The following SGCZ variants were observed in gnomAD, a reference collection of about 807,000 sequenced individuals.
The protein encoded by SGCZ is zeta-sarcoglycan.
Under a neutral mutation model 41.3 loss-of-function variants are expected in SGCZ, and 40 were observed. The observed-to-expected ratio is 0.97, with a 90% CI of 0.75 to 1.26. The LOEUF is 1.26. Among genes scored for constraint, SGCZ ranks in the 50% most tolerant of loss-of-function variants. The pLI is 0.00. For missense variants in SGCZ, 552 were observed against 369.8 expected (o/e 1.49, Z -4.04); for synonymous variants, 206 against 137.5 (o/e 1.50, Z -3.49).
At chr8:14,410,963 A>C (rs1344865568) in intron 2 of SGCZ, among the ~76,000 whole-genome samples, 1 of 152,156 alleles carries the variant, frequency 6.6e-6, no homozygotes, top group Non-Finnish European at 1.5e-5. Flanking sequence ...TTTTCTTTTA[A>C]AAAAATTTCA....
chr8:15,098,855 T>C (rs1052767176), intron 1 of SGCZ, among the ~76,000 whole-genome samples: 1 of 152,270 alleles, frequency 6.6e-6, no homozygotes, highest in South Asian at 2.1e-4. Context: ...GGTCAGGAGT[T>C]CAAGACCAGC....
At chr8:14,526,874 A>G (rs1341196584) in intron 2 of SGCZ, among the ~76,000 whole-genome samples, 1 of 152,142 alleles carries the variant, frequency 6.6e-6, no homozygotes, top group Non-Finnish European at 1.5e-5. Context: ...ATGTGATCAA[A>G]TTTAGTTTAA....
intron 4 of SGCZ, among the ~76,000 whole-genome samples, chr8:14,236,420 C>G (rs1382142): frequency 2.0e-5 from 3 of 151,808 alleles, no homozygotes; most frequent in African/African-American, 2.4e-5. Context: ...GCTAAAATGT[C>G]TCCTTTTTGG....
At chr8:14,505,402 T>C (rs1248673908) in intron 2 of SGCZ, among the ~76,000 whole-genome samples, 3 of 152,164 alleles carry the variant, frequency 2.0e-5, no homozygotes, top group Non-Finnish European at 4.4e-5. Context: ...TTCTCTGAAG[T>C]TATTCTAGCA....
chr8:15,117,481 G>A (rs1357639125), intron 1 of SGCZ, among the ~76,000 whole-genome samples: 3 of 152,226 alleles, frequency 2.0e-5, no homozygotes, highest in African/African-American at 7.2e-5. Context: ...GCATGATGGG[G>A]AAGTTGAGAA....
intron 4 of SGCZ, among the ~76,000 whole-genome samples, chr8:14,208,787 C>A (rs566337887): frequency 6.6e-6 from 1 of 152,146 alleles, no homozygotes; most frequent in Non-Finnish European, 1.5e-5. Context: ...ATATTCACAA[C>A]ATGTATTATG....
chr8:15,129,707 C>CAAAAAAAAAAAA (rs59401421), intron 1 of SGCZ, among the ~76,000 whole-genome samples: 3 of 107,886 alleles, frequency 2.8e-5, no homozygotes, highest in Non-Finnish European at 5.5e-5. Context: ...GAAGCATTTG[C>CAAAAAAAAAAAA]AAAAAAAAAA....
intron 1 of SGCZ, among the ~76,000 whole-genome samples, chr8:14,848,343 T>G (rs562937512): frequency 6.6e-6 from 1 of 152,166 alleles, no homozygotes; most frequent in Non-Finnish European, 1.5e-5. Context: ...TCTGTGGAAA[T>G]TGACAAAATC....
At chr8:14,174,189 A>T (rs1175457813) in intron 4 of SGCZ, among the ~76,000 whole-genome samples, 1 of 152,174 alleles carries the variant, frequency 6.6e-6, no homozygotes, top group East Asian at 1.9e-4. Flanking sequence ...CTTTAAAAAG[A>T]ACAAAATTGA....
intron 1 of SGCZ, among the ~76,000 whole-genome samples, chr8:14,864,176 T>A (rs922519828): frequency 6.6e-6 from 1 of 152,162 alleles, no homozygotes; most frequent in Non-Finnish European, 1.5e-5. Context: ...CACCATGTAT[T>A]CTACGTATTC....
chr8:15,039,597 T>G (rs994058751), intron 1 of SGCZ, among the ~76,000 whole-genome samples: 1 of 152,196 alleles, frequency 6.6e-6, no homozygotes, highest in Non-Finnish European at 1.5e-5. Context: ...CAGTCAATAT[T>G]TGTAACTTTG....
chr8:14,267,672 G>A (rs568742631), intron 3 of SGCZ, among the ~76,000 whole-genome samples: 1 of 152,126 alleles, frequency 6.6e-6, no homozygotes, highest in African/African-American at 2.4e-5. Flanking sequence ...GAGCAGCAGT[G>A]GGATTGTGAA....
At chr8:14,869,097 C>T (rs1804046528) in intron 1 of SGCZ, among the ~76,000 whole-genome samples, 1 of 152,138 alleles carries the variant, frequency 6.6e-6, no homozygotes, top group South Asian at 2.1e-4. Context: ...ATGAGGCCAG[C>T]ATCATTCTGA....
chr8:14,773,168 C>T (rs540748100), intron 1 of SGCZ, among the ~76,000 whole-genome samples: 1 of 152,288 alleles, frequency 6.6e-6, no homozygotes, highest in South Asian at 2.1e-4. Flanking sequence ...TTGCATTTCT[C>T]TGATGGCCAG....
chr8:14,920,651 T>C (rs941297564), intron 1 of SGCZ, among the ~76,000 whole-genome samples: 1 of 152,084 alleles, frequency 6.6e-6, no homozygotes, highest in Admixed American at 6.5e-5. Flanking sequence ...CCATATAAAC[T>C]AAATAAGGAA....
chr8:14,678,675 G>A (rs1195398998), intron 1 of SGCZ, among the ~76,000 whole-genome samples: 1 of 152,232 alleles, frequency 6.6e-6, no homozygotes, highest in East Asian at 1.9e-4. Flanking sequence ...TCCAGCAATC[G>A]TGCTCCACGG....
chr8:14,286,242 AT>A (rs1205140462), intron 3 of SGCZ, among the ~76,000 whole-genome samples: 1 of 152,070 alleles, frequency 6.6e-6, no homozygotes. Context: ...TCTATAGCAT[AT>A]TTTTCTAATC....
intron 5 of SGCZ, among the ~76,000 whole-genome samples, chr8:14,123,900 A>G (rs1269539756): frequency 2.6e-5 from 4 of 152,160 alleles, no homozygotes; most frequent in African/African-American, 9.7e-5. Flanking sequence ...CAAAATAATC[A>G]CCAGGACTAT....
At chr8:15,202,790 G>A (rs1800931400) in intron 1 of SGCZ, among the ~76,000 whole-genome samples, 1 of 152,048 alleles carries the variant, frequency 6.6e-6, no homozygotes, top group Non-Finnish European at 1.5e-5. Flanking sequence ...ACTTAGGCAG[G>A]CTCACAGAGT....
Sources: gnomAD v4.1 joint callset for allele counts (sites outside exome capture counted in the v4.1 genomes callset) on GRCh38, gnomAD v4.1.1 for gene constraint, MANE v1.5 for transcripts, NCBI Gene and HGNC (gene_info 2026-07-23, HGNC 2026-07-21) for gene names.